Variants in NCKAP5 observed in about 807,000 individuals in gnomAD.
NCKAP5 encodes the protein nck-associated protein 5.
A neutral mutation model predicts 167.0 loss-of-function variants in NCKAP5; 92 were observed. That is an observed-to-expected ratio of 0.55 (90% confidence interval 0.47 to 0.66). The LOEUF is 0.66. NCKAP5 is among the 30% of genes least tolerant of loss of function. The pLI is 0.00. For missense variants in NCKAP5, 2,378 were observed against 2,315.0 expected (o/e 1.03, Z -0.56); for synonymous variants, 891 against 877.4 (o/e 1.02, Z -0.27).
intron 3 of NCKAP5, among the ~76,000 whole-genome samples, chr2:133,511,903 C>G (rs6750306): frequency 6.6e-6 from 1 of 151,900 alleles, no homozygotes; most frequent in Non-Finnish European, 1.5e-5. Context: ...ACAGGGCAAA[C>G]GGTACTTTAT....
chr2:133,253,558 G>A (rs903901722), intron 4 of NCKAP5, among the ~76,000 whole-genome samples: 15 of 151,904 alleles, frequency 9.9e-5, no homozygotes, highest in Admixed American at 7.9e-4. Context: ...CTCACCCCCC[G>A]TTTCATCATA....
the NCKAP5 span, among the ~76,000 whole-genome samples, chr2:133,611,136 G>C: frequency 1.3e-5 from 2 of 151,698 alleles, no homozygotes; most frequent in South Asian, 2.1e-4. Flanking sequence ...AAAAAAAAAG[G>C]CATTTCACTC....
intron 3 of NCKAP5, among the ~76,000 whole-genome samples, chr2:133,445,290 G>A (rs902728071): frequency 6.6e-6 from 1 of 152,016 alleles, no homozygotes; most frequent in African/African-American, 2.4e-5. Flanking sequence ...CTGATGCTAG[G>A]TATTGTGGAG....
the NCKAP5 span, among the ~76,000 whole-genome samples, chr2:133,663,965 G>A: frequency 6.6e-6 from 1 of 152,016 alleles, no homozygotes; most frequent in African/African-American, 2.4e-5. Context: ...ACTGTCAATG[G>A]CAGCTTTAGT....
chr2:132,850,098 T>G (rs1688962154), intron 11 of NCKAP5, among the ~76,000 whole-genome samples: 1 of 152,186 alleles, frequency 6.6e-6, no homozygotes, highest in Non-Finnish European at 1.5e-5. Flanking sequence ...TATGATTCTA[T>G]TATTCCTTGG....
At chr2:133,516,813 C>T (rs903973653) in intron 3 of NCKAP5, among the ~76,000 whole-genome samples, 1 of 152,202 alleles carries the variant, frequency 6.6e-6, no homozygotes, top group South Asian at 2.1e-4. Flanking sequence ...TCTGTTCACA[C>T]GCATTGCGTA....
chr2:132,895,204 G>C (rs549109430), intron 8 of NCKAP5, among the ~76,000 whole-genome samples: 1 of 151,810 alleles, frequency 6.6e-6, no homozygotes, highest in Non-Finnish European at 1.5e-5. Flanking sequence ...GGTGGCGGGC[G>C]CCTGTAGTCC....
At chr2:133,545,400 G>A (rs1249679188) in intron 2 of NCKAP5, among the ~76,000 whole-genome samples, 2 of 152,094 alleles carry the variant, frequency 1.3e-5, no homozygotes, top group East Asian at 3.9e-4. Context: ...AATAGTTTGC[G>A]CAGATTTAGG....
intron 7 of NCKAP5, among the ~76,000 whole-genome samples, chr2:132,992,019 C>CT (rs2077464021): frequency 6.6e-6 from 1 of 152,192 alleles, no homozygotes; most frequent in African/African-American, 2.4e-5. Context: ...TTTCTCGTTT[C>CT]TTGAATGCCC....
At chr2:133,049,341 T>C (rs139378768) in intron 6 of NCKAP5, among the ~76,000 whole-genome samples, 1 of 151,750 alleles carries the variant, frequency 6.6e-6, no homozygotes, top group East Asian at 1.9e-4. Context: ...GTCAGGAGAT[T>C]GAGAGCATCC....
intron 2 of NCKAP5, among the ~76,000 whole-genome samples, chr2:133,532,367 T>C (rs1286625350): frequency 6.6e-6 from 1 of 152,228 alleles, no homozygotes; most frequent in Non-Finnish European, 1.5e-5. Flanking sequence ...GGGAAATCCT[T>C]GGGTCACAGG....
At chr2:132,939,810 G>T (rs2149094607) in intron 8 of NCKAP5, among the ~76,000 whole-genome samples, 1 of 152,154 alleles carries the variant, frequency 6.6e-6, no homozygotes, top group African/African-American at 2.4e-5. Context: ...GACCAGCCTG[G>T]TCAACATGGT....
the NCKAP5 span, among the ~76,000 whole-genome samples, chr2:133,631,439 A>T: frequency 6.6e-6 from 1 of 152,238 alleles, no homozygotes; most frequent in African/African-American, 2.4e-5. Flanking sequence ...CTGCATTTTA[A>T]AACTATACCT....
chr2:133,035,743 C>T (rs540841175), intron 6 of NCKAP5, among the ~76,000 whole-genome samples: 91 of 151,686 alleles, frequency 6.0e-4, no homozygotes, highest in Middle Eastern at 3.4e-3. Flanking sequence ...AAAAAAACTT[C>T]AAGTGAAAAA....
chr2:133,415,864 C>T (rs547003825), intron 3 of NCKAP5, among the ~76,000 whole-genome samples: 4 of 152,288 alleles, frequency 2.6e-5, no homozygotes, highest in Admixed American at 1.3e-4. Context: ...TGTAGAGTTA[C>T]AGATATATGG....
intron 6 of NCKAP5, among the ~76,000 whole-genome samples, chr2:133,015,831 G>A (rs1234731239): frequency 2.0e-5 from 3 of 152,178 alleles, no homozygotes; most frequent in Admixed American, 6.5e-5. Context: ...GCTGAGAGGA[G>A]AGATGTGGGC....
At chr2:133,496,707 G>A (rs1371623329) in intron 3 of NCKAP5, among the ~76,000 whole-genome samples, 1 of 152,162 alleles carries the variant, frequency 6.6e-6, no homozygotes, top group Non-Finnish European at 1.5e-5. Flanking sequence ...GTTTTAATGA[G>A]TCTTTCAGGT....
intron 3 of NCKAP5, among the ~76,000 whole-genome samples, chr2:133,321,984 A>C (rs1682090279): frequency 6.6e-6 from 1 of 152,186 alleles, no homozygotes; most frequent in Non-Finnish European, 1.5e-5. Flanking sequence ...ATAGTCATGC[A>C]ACCTGGCCCA....
chr2:133,360,562 G>A (rs1263077354), intron 3 of NCKAP5, among the ~76,000 whole-genome samples: 2 of 152,136 alleles, frequency 1.3e-5, no homozygotes, highest in East Asian at 1.9e-4. Context: ...CAATTCAGTC[G>A]ACTATCTGGT....
Sources: gnomAD v4.1 joint callset for allele counts (sites outside exome capture counted in the v4.1 genomes callset) on GRCh38, gnomAD v4.1.1 for gene constraint, MANE v1.5 for transcripts, NCBI Gene and HGNC (gene_info 2026-07-23, HGNC 2026-07-21) for gene names.